Variants in ACSBG2 observed in about 807,000 individuals in gnomAD.
The protein encoded by ACSBG2 is acyl-CoA synthetase bubblegum family member 2.
ACSBG2 carries 62 observed loss-of-function variants against 74.7 expected under a neutral mutation model. That is an observed-to-expected ratio of 0.83 (90% CI 0.68 to 1.03). The LOEUF is 1.03. ACSBG2 is among the 50% of genes least tolerant of loss of function. The pLI, the probability that ACSBG2 is intolerant of heterozygous loss-of-function variation, is 0.00. For synonymous variants in ACSBG2, 309 were observed against 294.1 expected (o/e 1.05, Z -0.52); for missense variants, 730 against 817.6 (o/e 0.89, Z 1.31).
chr19:6,156,512 G>A lies in ACSBG2; in HGVS notation c.468G>A (p.Leu156=). The A allele has an allele frequency of 6.3e-7, 1 of 1,595,344 alleles. No homozygotes were observed. The highest frequency in any genetic ancestry group is 8.5e-7 in the Non-Finnish European group (1 of 1,170,922). ...TCACTCATGCCAAAGTGAACATCTTGCTGGTTGAGAATGATCAACAGTTAC... is the reference window on the plus strand; with the variant it reads ...TCACTCATGCCAAAGTGAACATCTTACTGGTTGAGAATGATCAACAGTTAC... ...YVITHAKVNI[L]LVENDQQLQK... The change falls in exon 5 of 15, where the codon TTG becomes TTA. Residue 156 remains leucine (L), a synonymous_variant. Coordinates refer to ENST00000588485, the MANE Select transcript of ACSBG2 (RefSeq NM_030924.5).
chr19:6,153,527 G>GCAT (rs2089305498), intron 4 of ACSBG2, among the ~76,000 whole-genome samples: 1 of 151,964 alleles, frequency 6.6e-6, no homozygotes, highest in African/African-American at 2.4e-5. Context: ...AGCAGCAGCA[G>GCAT]CAGCCACGGC....
intron 5 of ACSBG2, among the ~76,000 whole-genome samples, chr19:6,160,929 G>C (rs1406023813): frequency 6.6e-6 from 1 of 152,024 alleles, no homozygotes; most frequent in Admixed American, 6.6e-5. Context: ...GTGAAACCCC[G>C]GCTCTACTAA....
chr19:6,149,181 C>T (rs2089147025), intron 3 of ACSBG2, among the ~76,000 whole-genome samples: 1 of 151,964 alleles, frequency 6.6e-6, no homozygotes, highest in South Asian at 2.1e-4. Context: ...ACTTGGAGAC[C>T]CAAGTAGAAA....
In ACSBG2 at chr19:6,161,689, G is replaced by A. The variant is rs915525507; in HGVS notation, c.588+394G>A. 30 of 179,402 alleles carry A rather than the reference G, an allele frequency of 1.7e-4. No homozygotes were observed. The Admixed American group carries it at 1.7e-3, about 10-fold the overall frequency. The allele number at this position is 179,402 out of a possible 1,614,324, so 11.1% of individuals were successfully genotyped here. ...TGTAGTGGGTGGGGCTTTGCAAAGGGAAGTGGATGTGGCCTTTGCAAAGGG... is the reference window on the plus strand; with the variant it reads ...TGTAGTGGGTGGGGCTTTGCAAAGGAAAGTGGATGTGGCCTTTGCAAAGGG... On this transcript the variant is annotated intron_variant, in intron 6 of 14. Coordinates refer to ENST00000588485, the MANE Select transcript of ACSBG2 (RefSeq NM_030924.5).
intron 7 of ACSBG2, chr19:6,175,995 C>G (rs1011396487): frequency 5.0e-6 from 1 of 200,364 alleles, no homozygotes; most frequent in Non-Finnish European, 1.0e-5. Flanking sequence ...GACTCTGGGA[C>G]ACTTGCTGAA....
At chr19:6,143,302 G>T (rs1322749706) in intron 2 of ACSBG2, among the ~76,000 whole-genome samples, 2 of 151,856 alleles carry the variant, frequency 1.3e-5, no homozygotes, top group Non-Finnish European at 2.9e-5. Flanking sequence ...TTACTGAGAT[G>T]AAGGTGTGGG....
At chr19:6,160,958 G>A (rs986283359) in intron 5 of ACSBG2, among the ~76,000 whole-genome samples, 2 of 152,068 alleles carry the variant, frequency 1.3e-5, no homozygotes, top group Non-Finnish European at 2.9e-5. Context: ...AAATTAGCTG[G>A]GCATGGTGGC....
At position 6,180,300 on chromosome 19, in the gene ACSBG2, C is replaced by T. The variant is rs1036193586; in HGVS notation, c.907-2451C>T. Among the ~76,000 whole-genome samples, 19 of 152,188 alleles carry T rather than the reference C, an allele frequency of 1.2e-4. No individual in the cohort carries two copies. The highest frequency in any genetic ancestry group is 4.6e-4 in the African/African-American group (19 of 41,456). On this transcript the variant is annotated intron_variant, in intron 8 of 14. Transcript: ENST00000588485. The surrounding 1 kb of genome is among the most constrained non-coding windows in gnomAD (Gnocchi z 4.3). ...GGGCCATTATTTTGCCTCCCACACTCTCCATCAAGCAGGCTAAATCTTAGG... is the reference window on the plus strand; with the variant it reads ...GGGCCATTATTTTGCCTCCCACACTTTCCATCAAGCAGGCTAAATCTTAGG...
chr19:6,176,738 C>T (rs938026851), intron 7 of ACSBG2, among the ~76,000 whole-genome samples: 1 of 152,042 alleles, frequency 6.6e-6, no homozygotes, highest in East Asian at 1.9e-4. Flanking sequence ...TAGTTACCAA[C>T]CCCCAGGTGT....
At chr19:6,142,288 G>A (rs1432929684) in intron 2 of ACSBG2, among the ~76,000 whole-genome samples, 1 of 152,114 alleles carries the variant, frequency 6.6e-6, no homozygotes, top group Non-Finnish European at 1.5e-5. Context: ...ATTAACATTA[G>A]GCTATAATCA....
chr19:6,190,397 G>T, intron 13 of ACSBG2, 187 bp from the exon 14 acceptor site: 1 of 563,596 alleles, frequency 1.8e-6, no homozygotes, highest in Non-Finnish European at 3.2e-6. Flanking sequence ...CCTCACCACA[G>T]CTGAAGGATC....
chr19:6,192,749 T>C lies in ACSBG2; in HGVS notation c.*117T>C, dbSNP rs1384500845. 1 of 152,210 alleles carries C rather than the reference T, an allele frequency of 6.6e-6. No homozygotes were observed. Among genetic ancestry groups the C allele is most frequent in the Admixed American group, 6.5e-5 (1 of 15,280 alleles). 9.4% of individuals were successfully genotyped at this position (152,210 alleles called of 1,614,324 possible). A position where few individuals can be genotyped will look rare whatever the true frequency, so the allele number is the denominator to read the frequency against. The stretch of plus-strand genomic sequence containing the variant: ...TCCCTGCTGTTTTTAAGAAGCCACA[T>C]TCCTCATTGGTCAGTTTCTTGATTG... On this transcript the variant is annotated 3_prime_UTR_variant, in exon 15 of 15. Coordinates refer to ENST00000588485, the MANE Select transcript of ACSBG2 (RefSeq NM_030924.5).
intron 11 of ACSBG2, among the ~76,000 whole-genome samples, chr19:6,186,623 G>A (rs1362366475): frequency 1.3e-5 from 2 of 152,218 alleles, no homozygotes; most frequent in Non-Finnish European, 2.9e-5. Flanking sequence ...AAGGTCAGCT[G>A]GCTTCAGGCA....
intron 2 of ACSBG2, among the ~76,000 whole-genome samples, chr19:6,144,702 T>C (rs2088965821): frequency 1.3e-5 from 2 of 152,038 alleles, no homozygotes; most frequent in Admixed American, 1.3e-4. Flanking sequence ...TCTTTTTCTT[T>C]TTTTTTCTTT....
intron 6 of ACSBG2, among the ~76,000 whole-genome samples, chr19:6,165,450 C>A (rs2089763254): frequency 6.6e-6 from 1 of 152,196 alleles, no homozygotes; most frequent in Non-Finnish European, 1.5e-5. Context: ...TCAGCCCCAT[C>A]CAATTGGTGA....
chr19:6,178,451 G>A (rs1206439807), intron 8 of ACSBG2, among the ~76,000 whole-genome samples: 1 of 151,822 alleles, frequency 6.6e-6, no homozygotes, highest in Non-Finnish European at 1.5e-5. Flanking sequence ...CCATGATCTC[G>A]GCCCACTGCA....
chr19:6,141,645 T>G, intron 2 of ACSBG2, 35 bp downstream of exon 2: 1 of 1,312,686 alleles, frequency 7.6e-7, no homozygotes, highest in Non-Finnish European at 1.1e-6. Flanking sequence ...GGAGAGAGAG[T>G]GGCACATTGA....
At chr19:6,166,059 G>T (rs765753158) in intron 7 of ACSBG2, 44 bp downstream of exon 7, 1 of 1,608,562 alleles carries the variant, frequency 6.2e-7, no homozygotes, top group Non-Finnish European at 8.5e-7. Context: ...CCTTTGGGCT[G>T]TTTCTCTTGT....
At chr19:6,172,626 T>C (rs377015443) in intron 7 of ACSBG2, among the ~76,000 whole-genome samples, 1 of 152,208 alleles carries the variant, frequency 6.6e-6, no homozygotes, top group Admixed American at 6.5e-5. Context: ...AATGATGTAA[T>C]GGACATAACA....
Sources: gnomAD v4.1 joint callset for allele counts (sites outside exome capture counted in the v4.1 genomes callset) on GRCh38, gnomAD v4.1.1 for gene constraint, Gnocchi (gnomAD v3.1) non-coding constraint, MANE v1.5 for transcripts, NCBI Gene and HGNC (gene_info 2026-07-23, HGNC 2026-07-21) for gene names.